Variants in CAPN8 observed in about 807,000 individuals in gnomAD.
CAPN8 encodes the protein calpain-8.
CAPN8 carries 87 observed loss-of-function variants against 80.9 expected under a neutral mutation model. The observed-to-expected ratio is 1.07, with a 90% CI of 0.90 to 1.28. The LOEUF (loss-of-function observed/expected upper bound fraction) is 1.28, where lower values mean the gene tolerates loss of function less well. Ranked by LOEUF, CAPN8 falls within the 50% of genes most tolerant of loss-of-function variation. CAPN8 has a pLI of 0.00. For synonymous variants in CAPN8, 299 were observed against 273.8 expected (o/e 1.09, Z -0.91); for missense variants, 757 against 702.0 (o/e 1.08, Z -0.89).
intron 13 of CAPN8, among the ~76,000 whole-genome samples, chr1:223,555,494 G>A (rs1392468951): frequency 2.0e-5 from 3 of 152,158 alleles, no homozygotes; most frequent in Non-Finnish European, 4.4e-5. Context: ...AAGAAAAAAT[G>A]ATAAACACAT....
chr1:223,646,345 G>A (rs1215999885), intron 2 of CAPN8, among the ~76,000 whole-genome samples: 4 of 152,332 alleles, frequency 2.6e-5, no homozygotes, highest in African/African-American at 2.4e-5. Context: ...CTTGGATGGC[G>A]GGAGCCAGCC....
intron 2 of CAPN8, 52 bp downstream of exon 2, chr1:223,654,278 C>T (rs1658419037): frequency 6.8e-7 from 1 of 1,462,094 alleles, no homozygotes; most frequent in Non-Finnish European, 9.4e-7. Flanking sequence ...ACTCATGACA[C>T]ATACACACCC....
Position 223,663,217 on chromosome 1 carries a change from T to G in CAPN8, c.237+2193A>C, listed in dbSNP as rs758583429. ...ACCACGAGGACAGGTGAAGACATAG[T>G]TTGGGGAAGAACAGGCTATGTGGTT... is the stretch of plus-strand genomic sequence containing the variant. On this transcript the variant is annotated intron_variant, in intron 1 of 20. Coordinates refer to ENST00000366872, the MANE Select transcript of CAPN8 (RefSeq NM_001143962.2). Among the ~76,000 whole-genome samples the G allele has an allele frequency of 3.3e-5, 5 of 152,206 alleles. No individual in the cohort carries two copies. In the South Asian group the frequency reaches 6.2e-4, roughly 19 times the overall value.
intron 6 of CAPN8, among the ~76,000 whole-genome samples, chr1:223,624,537 TC>T (rs917533775): frequency 5.3e-5 from 8 of 151,720 alleles, no homozygotes; most frequent in African/African-American, 1.7e-4. Flanking sequence ...AGACTCTGTC[TC>T]TACAAAAATT....
Position 223,616,142 on chromosome 1 carries a change from G to C in CAPN8, c.1139C>G (p.Thr380Arg), listed in dbSNP as rs765063568. ...TTTGAACTGGGGATTGGTCCAGTAC[G>C]TGGCTGGAAGTCACCCAGGTGATGG... ...TAGGCQNYPATYWTNPQFKIR... is the reference protein window; with the variant it reads ...TAGGCQNYPARYWTNPQFKIR... Residue 380 changes from threonine to arginine, a missense_variant, in exon 10 of 21, where the codon ACG becomes AGG. By Grantham distance (71) the Thr-to-Arg change is moderately conservative. Transcript: ENST00000366872. 1 of 1,544,796 alleles carries C rather than the reference G, an allele frequency of 6.5e-7. No homozygotes were observed.
At chr1:223,650,610 C>T (rs891535601) in intron 2 of CAPN8, among the ~76,000 whole-genome samples, 1 of 152,158 alleles carries the variant, frequency 6.6e-6, no homozygotes, top group African/African-American at 2.4e-5. Flanking sequence ...TAGATACCAA[C>T]AGAGAAGAGA....
At chr1:223,645,732 T>C (rs1300973193) in intron 2 of CAPN8, among the ~76,000 whole-genome samples, 1 of 152,200 alleles carries the variant, frequency 6.6e-6, no homozygotes, top group African/African-American at 2.4e-5. Context: ...GGGACCAAGG[T>C]TGAGCAAGAA....
In CAPN8 at chr1:223,653,620, C is replaced by T. The variant is rs574768053; in HGVS notation, c.307+710G>A. Among the ~76,000 whole-genome samples, 37 of 152,218 alleles carry T rather than the reference C, an allele frequency of 2.4e-4. No individual in the cohort carries two copies. In the South Asian group the frequency reaches 7.5e-3, roughly 31 times the overall value. The stretch of plus-strand genomic sequence containing the variant: ...GTTTGGAAGCCCCTCAAATTCAATT[C>T]AGAGCCATGTTGCCCATAAAATGTA... On this transcript the variant is annotated intron_variant, in intron 2 of 20. Coordinates refer to ENST00000366872, the MANE Select transcript of CAPN8 (RefSeq NM_001143962.2).
At chr1:223,627,547 A>C (rs1475565771) in intron 4 of CAPN8, among the ~76,000 whole-genome samples, 1 of 152,240 alleles carries the variant, frequency 6.6e-6, no homozygotes, top group Non-Finnish European at 1.5e-5. Context: ...GGTTGCAGAA[A>C]AGGGTATCAG....
In CAPN8 at chr1:223,615,092, G is replaced by A. The variant is rs932147433; in HGVS notation, c.1311+878C>T. ...AAGTGTGGGGTGCAGATAGGATCTC[G>A]ACCATTGCACTATTTCCTTACTGGT... On this transcript the variant is annotated intron_variant, in intron 10 of 20. Transcript: ENST00000366872. Among the ~76,000 whole-genome samples, 5 of 152,292 alleles carry A rather than the reference G, an allele frequency of 3.3e-5. No homozygotes were observed. In the East Asian group the frequency reaches 5.8e-4, roughly 18 times the overall value.
chr1:223,548,930 G>A (rs569602293), intron 16 of CAPN8, among the ~76,000 whole-genome samples: 1 of 148,390 alleles, frequency 6.7e-6, no homozygotes, highest in East Asian at 2.0e-4. Flanking sequence ...GGGAAGCAGG[G>A]AACGGTAGAG....
chr1:223,633,693 G>A (rs775535586), intron 2 of CAPN8, among the ~76,000 whole-genome samples: 21 of 152,078 alleles, frequency 1.4e-4, no homozygotes, highest in Non-Finnish European at 2.2e-4. Flanking sequence ...AAATCCACCA[G>A]GAGATAATAA....
At chr1:223,647,958 C>T (rs924872342) in intron 2 of CAPN8, among the ~76,000 whole-genome samples, 6 of 152,132 alleles carry the variant, frequency 3.9e-5, no homozygotes, top group African/African-American at 1.4e-4. Context: ...GACTGTACTT[C>T]ATCTCCTGCA....
At chr1:223,552,922 C>T (rs996161666) in intron 14 of CAPN8, among the ~76,000 whole-genome samples, 3 of 152,160 alleles carry the variant, frequency 2.0e-5, no homozygotes, top group Admixed American at 2.0e-4. Context: ...AAATACTGGC[C>T]TGTAAATCCA....
At chr1:223,650,327 G>C (rs1471857589) in intron 2 of CAPN8, among the ~76,000 whole-genome samples, 13 of 152,140 alleles carry the variant, frequency 8.5e-5, no homozygotes. Context: ...CTTTTGGATA[G>C]TTCTCCCTGT....
At chr1:223,631,936 G>A (rs1226113807) in intron 2 of CAPN8, among the ~76,000 whole-genome samples, 1 of 152,202 alleles carries the variant, frequency 6.6e-6, no homozygotes. Flanking sequence ...GCCTTCCGAT[G>A]TGAAGGTTCT....
At chr1:223,553,354 C>G (rs1656840660) in intron 14 of CAPN8, among the ~76,000 whole-genome samples, 1 of 152,220 alleles carries the variant, frequency 6.6e-6, no homozygotes, top group Non-Finnish European at 1.5e-5. Context: ...GGCTGCTGGT[C>G]TCCCAGAGGG....
At chr1:223,663,684 G>A (rs1249694220) in intron 1 of CAPN8, among the ~76,000 whole-genome samples, 6 of 152,172 alleles carry the variant, frequency 3.9e-5, no homozygotes, top group Non-Finnish European at 8.8e-5. Context: ...TCCCAATCTG[G>A]ATTTTATCAA....
chr1:223,621,349 A>G (rs1325507670), intron 7 of CAPN8, among the ~76,000 whole-genome samples: 4 of 151,094 alleles, frequency 2.6e-5, no homozygotes, highest in Non-Finnish European at 4.4e-5. Context: ...GATATATATA[A>G]TTATCCCAGG....
Sources: allele counts gnomAD v4.1 joint callset (sites outside exome capture counted in the v4.1 genomes callset), GRCh38; gene constraint gnomAD v4.1.1; transcripts MANE v1.5; gene names NCBI Gene and HGNC (gene_info 2026-07-23, HGNC 2026-07-21).